The following MALRD1 variants were observed in gnomAD, a reference collection of about 807,000 sequenced individuals.
MALRD1 encodes the protein MAM and LDL receptor class A domain containing 1.
Under a neutral mutation model 242.1 loss-of-function variants are expected in MALRD1, and 247 were observed. The observed-to-expected ratio is 1.02, with a 90% CI of 0.92 to 1.13. The LOEUF (loss-of-function observed/expected upper bound fraction) is 1.13, where lower values mean the gene tolerates loss of function less well. MALRD1 is among the 50% of genes most tolerant of loss of function. The pLI is 0.00. For missense variants in MALRD1, 2,989 were observed against 2,533.1 expected (o/e 1.18, Z -3.86); for synonymous variants, 995 against 866.6 (o/e 1.15, Z -2.60).
intron 39 of MALRD1, among the ~76,000 whole-genome samples, chr10:19,731,867 G>GT (rs1014767951): frequency 6.6e-6 from 1 of 152,168 alleles, no homozygotes; most frequent in Admixed American, 6.5e-5. Context: ...ATAGGTCACA[G>GT]TTTTTTATCT....
At chr10:19,567,384 A>G (rs577512151) in intron 32 of MALRD1, 118 bp from the exon 33 acceptor site, 20 of 843,054 alleles carry the variant, frequency 2.4e-5, no homozygotes, top group East Asian at 5.3e-5. Flanking sequence ...AGAAAATACA[A>G]TAGTCAATGT....
chr10:19,353,072 T>C (rs1322667701), intron 26 of MALRD1, among the ~76,000 whole-genome samples: 2 of 152,044 alleles, frequency 1.3e-5, no homozygotes, highest in Non-Finnish European at 2.9e-5. Flanking sequence ...AGTGGTACAA[T>C]CTAAGTTCAC....
intron 4 of MALRD1, among the ~76,000 whole-genome samples, chr10:19,098,538 T>G (rs562736863): frequency 1.6e-4 from 25 of 152,316 alleles, no homozygotes; most frequent in Non-Finnish European, 2.9e-4. Flanking sequence ...TATGATAACA[T>G]ATGATGAGGA....
chr10:19,503,939 A>G (rs576014477), intron 31 of MALRD1, among the ~76,000 whole-genome samples: 1 of 152,322 alleles, frequency 6.6e-6, no homozygotes, highest in African/African-American at 2.4e-5. Flanking sequence ...ATAACTATGG[A>G]ATCAAATATG....
Position 19,323,900 on chromosome 10 carries a change from C to G in MALRD1, c.3420-49C>G, listed in dbSNP as rs556898906. The G allele has an allele frequency of 3.3e-6, 5 of 1,526,878 alleles. No individual in the cohort carries two copies. The Admixed American group carries it at 6.0e-5, about 18-fold the overall frequency. 94.6% of individuals were successfully genotyped at this position (1,526,878 alleles called of 1,614,324 possible). On this transcript the variant is annotated intron_variant, in intron 21 of 39. Transcript: ENST00000454679. ...TCCTGGGATTACAGGCGTGAGCCAC[C>G]GTGCCCGGCCTCTTATTCCTTTTAT... is the stretch of plus-strand genomic sequence containing the variant.
chr10:19,187,749 G>A (rs1370076409), intron 14 of MALRD1, among the ~76,000 whole-genome samples: 1 of 152,050 alleles, frequency 6.6e-6, no homozygotes, highest in Non-Finnish European at 1.5e-5. Flanking sequence ...TCGTAAGTGG[G>A]AACTAAAACA....
At chr10:19,113,896 G>A (rs754232818) in intron 5 of MALRD1, among the ~76,000 whole-genome samples, 17 of 151,620 alleles carry the variant, frequency 1.1e-4, no homozygotes, top group Non-Finnish European at 2.4e-4. Context: ...GTGCCTTGAG[G>A]CATAGTTCCT....
intron 33 of MALRD1, among the ~76,000 whole-genome samples, chr10:19,594,892 C>T (rs1838001571): frequency 1.3e-5 from 2 of 151,976 alleles, no homozygotes; most frequent in Non-Finnish European, 2.9e-5. Flanking sequence ...GTGTACACTG[C>T]TCAGGTGATG....
At chr10:19,486,794 G>T (rs769206093) in intron 29 of MALRD1, among the ~76,000 whole-genome samples, 7 of 152,036 alleles carry the variant, frequency 4.6e-5, no homozygotes, top group East Asian at 3.9e-4. Context: ...TGTACAAAAC[G>T]ATTTTAATCC....
intron 2 of MALRD1, among the ~76,000 whole-genome samples, chr10:19,085,110 T>G: frequency 6.6e-6 from 1 of 151,966 alleles, no homozygotes; most frequent in Non-Finnish European, 1.5e-5. Context: ...ATAGAGAGAA[T>G]ATTCAATATA....
At chr10:19,668,939 G>A (rs1365186173) in intron 36 of MALRD1, among the ~76,000 whole-genome samples, 1 of 152,310 alleles carries the variant, frequency 6.6e-6, no homozygotes, top group East Asian at 1.9e-4. Flanking sequence ...CCCCAGATTG[G>A]TGAAGGCCTC....
chr10:19,311,760 T>G (rs1582061), intron 21 of MALRD1, among the ~76,000 whole-genome samples: 118,063 of 151,212 alleles, frequency 0.78, 46,538 homozygotes, highest in African/African-American at 0.87. Flanking sequence ...GATTAGACCC[T>G]TTCACTATTC....
chr10:19,498,515 A>G lies in MALRD1; in HGVS notation c.5189A>G (p.Asn1730Ser), dbSNP rs1413928034. Residue 1730 changes from asparagine (N) to serine (S), a missense_variant, in exon 31 of 40, where the codon AAT (asparagine) becomes AGT (serine). Asn to Ser is a conservative substitution (Grantham distance 46). Transcript: ENST00000454679. ...TATACAAGCACAACAGGAAGCTGCA[A>G]TTTTGAAACAAGTTCAGGAAACTGG... is the stretch of plus-strand genomic sequence containing the variant. ...AHYTSTTGSC[N>S]FETSSGNWTT... 24 of 1,550,124 alleles carry G rather than the reference A, an allele frequency of 1.5e-5. 1 individual carries two copies. In the South Asian group the frequency reaches 2.3e-4, roughly 15 times the overall value.
intron 29 of MALRD1, among the ~76,000 whole-genome samples, chr10:19,483,355 C>G (rs1011813211): frequency 6.6e-6 from 1 of 152,082 alleles, no homozygotes; most frequent in African/African-American, 2.4e-5. Flanking sequence ...AAACTATCAA[C>G]AGAGTCAACG....
chr10:19,730,900 A>G lies in MALRD1; in HGVS notation c.6390+119A>G, dbSNP rs1835269660. On this transcript the variant is annotated intron_variant, in intron 39 of 39. Coordinates refer to ENST00000454679, the MANE Select transcript of MALRD1 (RefSeq NM_001142308.3). The stretch of plus-strand genomic sequence containing the variant: ...TGTTTCTACATCATAACTAAAAGAA[A>G]TGTTTTAGTGGAGTTATTTCAATTG... The G allele has an allele frequency of 2.2e-5, 20 of 923,694 alleles. No homozygotes were observed. The South Asian group carries it at 3.3e-4, about 15-fold the overall frequency. The allele number at this position is 923,694 out of a possible 1,614,324, so 57.2% of individuals were successfully genotyped here.
intron 21 of MALRD1, among the ~76,000 whole-genome samples, chr10:19,312,378 G>GTATATATATATATATATATATATATA (rs112120220): frequency 8.7e-5 from 12 of 137,542 alleles, no homozygotes; most frequent in African/African-American, 3.0e-4. Context: ...AGAGGAATGT[G>GTATATATATATATATATATATATATA]TATATATATA....
intron 5 of MALRD1, among the ~76,000 whole-genome samples, chr10:19,118,013 C>G (rs1836932058): frequency 6.6e-6 from 1 of 151,956 alleles, no homozygotes; most frequent in Non-Finnish European, 1.5e-5. Context: ...TGGCACTAAG[C>G]AAATAAATAA....
chr10:19,146,406 T>C (rs1228444912), intron 11 of MALRD1, 62 bp downstream of exon 11: 2 of 1,180,742 alleles, frequency 1.7e-6, no homozygotes, highest in East Asian at 3.2e-5. Flanking sequence ...GGAATGATGA[T>C]ACTGTGTATT....
intron 34 of MALRD1, among the ~76,000 whole-genome samples, chr10:19,602,084 C>T (rs961953319): frequency 4.7e-5 from 7 of 150,108 alleles, no homozygotes; most frequent in Admixed American, 1.3e-4. Context: ...TTGCGCTTCA[C>T]GGATGTCACA....
Sources: allele counts gnomAD v4.1 joint callset (sites outside exome capture counted in the v4.1 genomes callset), GRCh38; gene constraint gnomAD v4.1.1; transcripts MANE v1.5; gene names NCBI Gene and HGNC (gene_info 2026-07-23, HGNC 2026-07-21).